The following FHIT variants were observed in gnomAD, a reference collection of about 807,000 sequenced individuals.
FHIT encodes the protein fragile histidine triad diadenosine triphosphatase.
Under a neutral mutation model 17.9 loss-of-function variants are expected in FHIT, and 19 were observed. The ratio of observed to expected loss-of-function variants is 1.06; its 90% CI spans 0.74 to 1.56. The LOEUF (loss-of-function observed/expected upper bound fraction) is 1.56, where lower values mean the gene tolerates loss of function less well. Ranked by LOEUF, FHIT falls within the 40% of genes most tolerant of loss-of-function variation. FHIT has a pLI of 0.00. For synonymous variants in FHIT, 81 were observed against 69.7 expected (o/e 1.16, Z -0.81); for missense variants, 248 against 189.2 (o/e 1.31, Z -1.82).
chr3:60,544,912 T>C (rs940607494), intron 4 of FHIT, among the ~76,000 whole-genome samples: 15 of 152,196 alleles, frequency 9.9e-5, no homozygotes, highest in Admixed American at 3.3e-4. Context: ...ATCTAGTTTT[T>C]GTTATCAAGA....
At chr3:61,098,307 T>C (rs1458075028) in intron 2 of FHIT, among the ~76,000 whole-genome samples, 1 of 152,150 alleles carries the variant, frequency 6.6e-6, no homozygotes, top group African/African-American at 2.4e-5. Context: ...CATTGGGCTA[T>C]GTGTTTGTCT....
chr3:59,852,648 TC>T (rs770962632), intron 8 of FHIT, among the ~76,000 whole-genome samples: 6 of 152,156 alleles, frequency 3.9e-5, no homozygotes, highest in Non-Finnish European at 5.9e-5. Context: ...AGTTTCATTG[TC>T]CTAAAAGATC....
intron 5 of FHIT, among the ~76,000 whole-genome samples, chr3:60,449,427 TACACACAC>T (rs140706888): frequency 6.7e-6 from 1 of 149,680 alleles, no homozygotes; most frequent in African/African-American, 2.5e-5. Flanking sequence ...CATATGCGCA[TACACACAC>T]ACACACACAC....
chr3:60,995,073 C>T (rs1575812116), intron 3 of FHIT, among the ~76,000 whole-genome samples: 1 of 152,190 alleles, frequency 6.6e-6, no homozygotes, highest in Non-Finnish European at 1.5e-5. Flanking sequence ...GTAATCCCAG[C>T]ACTTTGGGAG....
chr3:60,065,294 G>C (rs867051225), intron 5 of FHIT, among the ~76,000 whole-genome samples: 5 of 152,102 alleles, frequency 3.3e-5, no homozygotes, highest in African/African-American at 2.4e-5. Flanking sequence ...CCATGCTCCT[G>C]GGATGAATCC....
At chr3:59,761,588 A>G (rs1701514888) in intron 8 of FHIT, among the ~76,000 whole-genome samples, 1 of 152,122 alleles carries the variant, frequency 6.6e-6, no homozygotes, top group Non-Finnish European at 1.5e-5. Context: ...CCCTGCTTGC[A>G]GAGGATCTTA....
chr3:60,271,621 A>C (rs1706870365), intron 5 of FHIT, among the ~76,000 whole-genome samples: 1 of 152,144 alleles, frequency 6.6e-6, no homozygotes, highest in African/African-American at 2.4e-5. Context: ...AGTGCACGGA[A>C]AGTATAGAGG....
chr3:60,715,731 C>T (rs1404489108), intron 4 of FHIT, among the ~76,000 whole-genome samples: 2 of 151,870 alleles, frequency 1.3e-5, no homozygotes, highest in Non-Finnish European at 1.5e-5. Flanking sequence ...TGTAACTAAC[C>T]TGCACATTGT....
chr3:60,183,122 G>A (rs1376120340), intron 5 of FHIT, among the ~76,000 whole-genome samples: 1 of 152,104 alleles, frequency 6.6e-6, no homozygotes, highest in African/African-American at 2.4e-5. Flanking sequence ...AGCTGGCCAG[G>A]CACGGTGGCT....
chr3:60,507,258 G>T (rs2034770091), intron 5 of FHIT, among the ~76,000 whole-genome samples: 2 of 151,986 alleles, frequency 1.3e-5, no homozygotes, highest in Non-Finnish European at 2.9e-5. Context: ...AGTCAAGAGA[G>T]AAACAACATG....
chr3:61,142,512 T>A (rs1298191189), intron 2 of FHIT, among the ~76,000 whole-genome samples: 2 of 144,354 alleles, frequency 1.4e-5, no homozygotes, highest in East Asian at 3.8e-4. Flanking sequence ...TCACCTTACC[T>A]CCTCTTTTAA....
intron 4 of FHIT, among the ~76,000 whole-genome samples, chr3:60,778,651 C>A (rs1264699186): frequency 6.6e-6 from 1 of 152,194 alleles, no homozygotes; most frequent in Non-Finnish European, 1.5e-5. Flanking sequence ...TTTCTCTCTG[C>A]CTGGTTCCTC....
chr3:60,097,460 T>C (rs17062206), intron 5 of FHIT, among the ~76,000 whole-genome samples: 3,639 of 152,190 alleles, frequency 0.024, 95 homozygotes, highest in South Asian at 0.11. Context: ...AAAACAGGTC[T>C]ACCTTGAACA....
At chr3:60,132,026 T>C (rs1699616309) in intron 5 of FHIT, among the ~76,000 whole-genome samples, 1 of 152,142 alleles carries the variant, frequency 6.6e-6, no homozygotes, top group African/African-American at 2.4e-5. Flanking sequence ...CCAGAACCTT[T>C]ACATACCCTG....
intron 3 of FHIT, among the ~76,000 whole-genome samples, chr3:60,932,682 T>C (rs1708017263): frequency 6.6e-6 from 1 of 152,228 alleles, no homozygotes. Flanking sequence ...TCCTTCAGAC[T>C]TTCCATAGTT....
chr3:60,625,812 T>G (rs2039269386), intron 4 of FHIT, among the ~76,000 whole-genome samples: 1 of 152,196 alleles, frequency 6.6e-6, no homozygotes, highest in African/African-American at 2.4e-5. Context: ...TCTAAAATAT[T>G]TTGCCTAATC....
rs1321531808 is a variant in FHIT at position 60,027,142 on chromosome 3, C to CAA, written c.104-12991_104-12990insTT. On this transcript the variant is annotated intron_variant, in intron 5 of 9. Transcript: ENST00000492590. ...ACACACACACACACACACACACACA[C>CAA]ACACACAAAATTAGTAAACCCAATA... is the stretch of plus-strand genomic sequence containing the variant. 1.2e-3 allele frequency among the ~76,000 whole-genome samples: 127 copies of CAA among 109,574 alleles called. 3 individuals carry two copies. The highest frequency in any genetic ancestry group is 4.8e-3 in the African/African-American group (123 of 25,850). 71.9% of individuals were successfully genotyped at this position (109,574 alleles called of 152,430 possible).
chr3:60,647,553 G>T (rs367641757), intron 4 of FHIT, among the ~76,000 whole-genome samples: 1 of 152,118 alleles, frequency 6.6e-6, no homozygotes. Context: ...CCTCTCCTCT[G>T]CCCCTTGATC....
intron 5 of FHIT, among the ~76,000 whole-genome samples, chr3:60,158,038 T>G (rs1700779079): frequency 6.6e-6 from 1 of 152,314 alleles, no homozygotes; most frequent in South Asian, 2.1e-4. Flanking sequence ...TACCACTATG[T>G]GGTCCAAATT....
Sources: allele counts gnomAD v4.1 joint callset (sites outside exome capture counted in the v4.1 genomes callset), GRCh38; gene constraint gnomAD v4.1.1; transcripts MANE v1.5; gene names NCBI Gene and HGNC (gene_info 2026-07-23, HGNC 2026-07-21).